TRIP12: variants seen among roughly 807,000 people sequenced by gnomAD.
TRIP12 encodes thyroid hormone receptor interactor 12.
Under a neutral mutation model 244.2 loss-of-function variants are expected in TRIP12, and 25 were observed. That is an observed-to-expected ratio of 0.10 (90% CI 0.07 to 0.14). The LOEUF (loss-of-function observed/expected upper bound fraction) is 0.14. Ranked by LOEUF, TRIP12 falls within the 10% of genes least tolerant of loss-of-function variation. The probability of loss-of-function intolerance (pLI) is 1.00; values close to 1 mark genes in which losing one functional copy is unlikely to be tolerated. For missense variants in TRIP12, 1,677 were observed against 2,486.4 expected (o/e 0.67, Z 6.92); for synonymous variants, 905 against 873.1 (o/e 1.04, Z -0.64).
At chr2:229,832,984 T>C (rs916775045) in intron 6 of TRIP12, among the ~76,000 whole-genome samples, 3 of 152,174 alleles carry the variant, frequency 2.0e-5, no homozygotes, top group Admixed American at 1.3e-4. Context: ...GCCCATACAT[T>C]AAAAAACAAA....
chr2:229,830,222 A>G (rs1415391593), intron 7 of TRIP12, among the ~76,000 whole-genome samples: 1 of 152,232 alleles, frequency 6.6e-6, no homozygotes, highest in East Asian at 1.9e-4. Flanking sequence ...AACATGATCA[A>G]GAAGACAAAA....
intron 1 of TRIP12, among the ~76,000 whole-genome samples, chr2:229,889,430 C>G (rs1360903310): frequency 6.6e-6 from 1 of 152,154 alleles, no homozygotes; most frequent in Non-Finnish European, 1.5e-5. Flanking sequence ...CATTAGAATA[C>G]TAACTGCATT....
chr2:229,876,707 T>C (rs2063648533), intron 2 of TRIP12, among the ~76,000 whole-genome samples: 1 of 152,256 alleles, frequency 6.6e-6, no homozygotes, highest in South Asian at 2.1e-4. Flanking sequence ...TCGCCCAGGC[T>C]GGAATGCACT....
chr2:229,911,978 C>T (rs888008687), intron 1 of TRIP12, among the ~76,000 whole-genome samples: 1 of 151,910 alleles, frequency 6.6e-6, no homozygotes, highest in Admixed American at 6.6e-5. Context: ...CTATATAAGA[C>T]TTACAAATTA....
Position 229,772,732 on chromosome 2 carries a change from G to T in TRIP12, c.5695-1100C>A, listed in dbSNP as rs548861407. Among the ~76,000 whole-genome samples, 155 of 152,282 alleles carry T rather than the reference G, an allele frequency of 1.0e-3. 3 individuals are homozygous for T. The South Asian group carries it at 0.03, about 29-fold the overall frequency. On this transcript the variant is annotated intron_variant, in intron 38 of 41. Transcript: ENST00000675903. ...CCGCCTTGGCCTCCAAAAGTGTTGG[G>T]ATTACAAGTGTGAGCCACCACGCCT...
intron 1 of TRIP12, among the ~76,000 whole-genome samples, chr2:229,898,205 T>C (rs140785703): frequency 6.6e-5 from 10 of 152,312 alleles, no homozygotes; most frequent in Admixed American, 3.9e-4. Flanking sequence ...TGTCAAGTAA[T>C]AGTCTTAGGT....
intron 36 of TRIP12, 79 bp from the exon 37 acceptor site, chr2:229,777,558 T>C: frequency 7.0e-7 from 1 of 1,420,034 alleles, no homozygotes; most frequent in Non-Finnish European, 9.8e-7. Flanking sequence ...CTTCAGGAGA[T>C]CATTTAAATA....
intron 39 of TRIP12, 66 bp downstream of exon 39, chr2:229,771,453 G>A: frequency 7.3e-7 from 1 of 1,368,954 alleles, no homozygotes; most frequent in South Asian, 1.2e-5. Flanking sequence ...TCTTTGACTA[G>A]GCAGCACAGA....
At chr2:229,864,047 A>AGAGAGAGAGTGTGTGTGT in intron 2 of TRIP12, among the ~76,000 whole-genome samples, 2 of 79,292 alleles carry the variant, frequency 2.5e-5, no homozygotes, top group Non-Finnish European at 5.1e-5. Flanking sequence ...AGAGAGAGAG[A>AGAGAGAGAGTGTGTGTGT]GTGTGTGTGT....
intron 1 of TRIP12, among the ~76,000 whole-genome samples, chr2:229,908,775 C>A (rs1021503269): frequency 6.7e-6 from 1 of 149,562 alleles, no homozygotes; most frequent in Non-Finnish European, 1.5e-5. Flanking sequence ...TGGTGGCTTA[C>A]GCGCCTATAA....
Position 229,805,788 on chromosome 2 carries a change from G to C in TRIP12, c.2592C>G (p.Asp864Glu). Residue 864 changes from aspartate (D) to glutamate (E), a missense_variant, in exon 18 of 42, where the codon GAC (aspartate) becomes GAG (glutamate). By Grantham distance (45) the Asp-to-Glu change is conservative (BLOSUM62 2). Coordinates refer to ENST00000675903, the MANE Select transcript of TRIP12 (RefSeq NM_001348323.3). ...TCTGAATGGCACGTGCTGTTCCCGT[G>C]TCCTCATTGATTTGCTGCATAGAAT... ...DFNSMQQINE[D>E]TGTARAIQRK... 1 of 1,610,718 alleles carries C rather than the reference G, an allele frequency of 6.2e-7. No homozygotes were observed. The highest frequency in any genetic ancestry group is 8.5e-7 in the Non-Finnish European group (1 of 1,177,368).
intron 30 of TRIP12, 52 bp from the exon 31 acceptor site, chr2:229,789,814 C>T: frequency 6.3e-7 from 1 of 1,595,468 alleles, no homozygotes; most frequent in Non-Finnish European, 8.6e-7. Context: ...AAAGGCTAAG[C>T]CAGTGCAGCC....
intron 2 of TRIP12, among the ~76,000 whole-genome samples, chr2:229,873,961 CT>C (rs1404292254): frequency 6.6e-6 from 1 of 151,624 alleles, no homozygotes; most frequent in Non-Finnish European, 1.5e-5. Flanking sequence ...AAAATTTATT[CT>C]TAGCATGGAG....
chr2:229,825,386 T>C (rs539389843), intron 8 of TRIP12, among the ~76,000 whole-genome samples: 2 of 152,290 alleles, frequency 1.3e-5, no homozygotes, highest in African/African-American at 4.8e-5. Flanking sequence ...CAAGGATCTA[T>C]GGGGAAATGA....
chr2:229,857,546 G>C (rs896970985), intron 4 of TRIP12, among the ~76,000 whole-genome samples: 3 of 151,900 alleles, frequency 2.0e-5, no homozygotes, highest in African/African-American at 7.3e-5. Context: ...CAGGAGAATT[G>C]CTTGAACCCA....
intron 2 of TRIP12, among the ~76,000 whole-genome samples, chr2:229,867,805 T>C (rs138379238): frequency 2.3e-3 from 346 of 152,324 alleles, no homozygotes; most frequent in African/African-American, 8.0e-3. Context: ...ATGCTTATGA[T>C]GTGACTTTGA....
At chr2:229,876,474 T>C (rs1019117876) in intron 2 of TRIP12, among the ~76,000 whole-genome samples, 1 of 152,218 alleles carries the variant, frequency 6.6e-6, no homozygotes, top group Non-Finnish European at 1.5e-5. Context: ...TAAATTTCTA[T>C]GTCCTGATCA....
chr2:229,826,113 T>G (rs1299335494), intron 8 of TRIP12, among the ~76,000 whole-genome samples: 1 of 152,036 alleles, frequency 6.6e-6, no homozygotes, highest in Non-Finnish European at 1.5e-5. Context: ...GGCAATCAAA[T>G]AGAAGGTGAG....
At chr2:229,830,066 T>A (rs1233757971) in intron 7 of TRIP12, among the ~76,000 whole-genome samples, 1 of 152,208 alleles carries the variant, frequency 6.6e-6, no homozygotes, top group African/African-American at 2.4e-5. Context: ...ATACATTTAT[T>A]GTAAGCCTCA....
Sources: allele counts gnomAD v4.1 joint callset (sites outside exome capture counted in the v4.1 genomes callset), GRCh38; gene constraint gnomAD v4.1.1; transcripts MANE v1.5; gene names NCBI Gene and HGNC (gene_info 2026-07-23, HGNC 2026-07-21).